CSRP1: variants seen among roughly 807,000 people sequenced by gnomAD.
The protein encoded by CSRP1 is cysteine and glycine rich protein 1.
Under a neutral mutation model 25.4 loss-of-function variants are expected in CSRP1, and 16 were observed. The ratio of observed to expected loss-of-function variants is 0.63; its 90% CI spans 0.43 to 0.96. The LOEUF is 0.96. Among genes scored for constraint, CSRP1 ranks in the 40% least tolerant of loss-of-function variants. The pLI, the probability that CSRP1 is intolerant of heterozygous loss-of-function variation, is 0.00. For synonymous variants in CSRP1, 97 were observed against 95.3 expected (o/e 1.02, Z -0.10); for missense variants, 212 against 243.6 (o/e 0.87, Z 0.86).
intron 1 of CSRP1, among the ~76,000 whole-genome samples, chr1:201,498,888 G>T (rs1213650595): frequency 6.6e-6 from 1 of 152,234 alleles, no homozygotes; most frequent in East Asian, 1.9e-4. Flanking sequence ...TGTTAGTGAT[G>T]CTGGGGGATC....
intron 4 of CSRP1, chr1:201,488,588 T>C (rs1333449058): frequency 6.9e-6 from 2 of 290,518 alleles, no homozygotes; most frequent in Non-Finnish European, 1.3e-5. Context: ...TGTTCTCCTA[T>C]ATTAGAGATA....
chr1:201,494,334 T>C (rs1460929545), intron 2 of CSRP1, among the ~76,000 whole-genome samples: 1 of 152,110 alleles, frequency 6.6e-6, no homozygotes, highest in Non-Finnish European at 1.5e-5. Flanking sequence ...GAGGGGCCCT[T>C]AGGACCCCAG....
intron 3 of CSRP1, 30 bp downstream of exon 3, chr1:201,490,146 A>C: frequency 6.3e-7 from 1 of 1,595,462 alleles, no homozygotes; most frequent in Non-Finnish European, 8.6e-7. Context: ...AGAGCTCAAG[A>C]AAAAGGTTGG....
chr1:201,502,735 A>G (rs1230021516), intron 1 of CSRP1, among the ~76,000 whole-genome samples: 1 of 152,130 alleles, frequency 6.6e-6, no homozygotes, highest in African/African-American at 2.4e-5. Flanking sequence ...TTTCAAATCC[A>G]TGTCCAGTGG....
At chr1:201,496,491 G>T in intron 1 of CSRP1, 187 bp from the exon 2 acceptor site, 3 of 610,480 alleles carry the variant, frequency 4.9e-6, no homozygotes, top group Non-Finnish European at 8.8e-6. Context: ...CGTTCTCGGG[G>T]ATTTCCTCCC....
At chr1:201,486,305 C>T (rs1664141274) in intron 4 of CSRP1, 1 of 975,572 alleles carries the variant, frequency 1.0e-6, no homozygotes, top group Non-Finnish European at 1.2e-6. Context: ...TTCCCATCAA[C>T]AGCTGGGCAG....
Position 201,493,534 on chromosome 1 carries a change from C to T in CSRP1, c.112+2658G>A, listed in dbSNP as rs548953387. Among the ~76,000 whole-genome samples, 420 of 152,362 alleles carry T rather than the reference C, an allele frequency of 2.8e-3. 4 individuals carry two copies. Among genetic ancestry groups the T allele is most frequent in the Middle Eastern group, 3.4e-3 (1 of 294 alleles). Reference sequence around the variant, plus strand: ...TTGCCTTCTGCCATGATTGTGAGGCCTCCCCAGCCATGTGGAACTGTGAGT... The same window carrying T: ...TTGCCTTCTGCCATGATTGTGAGGCTTCCCCAGCCATGTGGAACTGTGAGT... On this transcript the variant is annotated intron_variant, in intron 2 of 5. Coordinates refer to ENST00000340006, the MANE Select transcript of CSRP1 (RefSeq NM_004078.3).
intron 2 of CSRP1, among the ~76,000 whole-genome samples, chr1:201,493,276 T>C (rs1664400712): frequency 6.6e-6 from 1 of 152,190 alleles, no homozygotes; most frequent in African/African-American, 2.4e-5. Flanking sequence ...TCATCATGTC[T>C]TCCTCCCGCC....
chr1:201,501,534 C>T (rs1395545272), intron 1 of CSRP1, among the ~76,000 whole-genome samples: 2 of 152,224 alleles, frequency 1.3e-5, no homozygotes, highest in Admixed American at 1.3e-4. Flanking sequence ...TCTGCTGCTG[C>T]ATCTTCCTAG....
chr1:201,489,973 G>A (rs189436996), intron 3 of CSRP1: 4 of 530,740 alleles, frequency 7.5e-6, no homozygotes, highest in Middle Eastern at 5.0e-4. Context: ...GCAGGGAGGA[G>A]CCCAGCCTGT....
intron 3 of CSRP1, 97 bp downstream of exon 3, chr1:201,490,079 A>G: frequency 1.5e-6 from 2 of 1,306,772 alleles, no homozygotes; most frequent in Admixed American, 2.4e-5. Flanking sequence ...TGAGCCTTCC[A>G]TTGCTTACCC....
chr1:201,485,653 G>T, intron 4 of CSRP1: 1 of 449,448 alleles, frequency 2.2e-6, no homozygotes, highest in East Asian at 3.8e-5. Flanking sequence ...GAGGGGGTGG[G>T]TTTAACACCA....
At position 201,507,111 on chromosome 1, in the gene CSRP1, G is replaced by C. The variant is rs926157682; in HGVS notation, c.-43C>G. 6.6e-6 allele frequency: 1 copy of C among 152,262 alleles called. No homozygotes were observed. The highest frequency in any genetic ancestry group is 1.5e-5 in the Non-Finnish European group (1 of 68,094). The allele number at this position is 152,262 out of a possible 1,614,324, so 9.4% of individuals were successfully genotyped here. ...CGGCGCAGGGGCGGCAGGCGCTCTC[G>C]GAAGTGGCGGCTGGGTGCGCCCGGC... On this transcript the variant is annotated 5_prime_UTR_variant, in exon 1 of 6. Transcript: ENST00000340006.
At chr1:201,499,861 A>C (rs1020994002) in intron 1 of CSRP1, among the ~76,000 whole-genome samples, 1 of 152,260 alleles carries the variant, frequency 6.6e-6, no homozygotes, top group African/African-American at 2.4e-5. Context: ...ACCTCAAGTG[A>C]TCTGCCTGCC....
At chr1:201,504,342 T>G (rs1571791017) in intron 1 of CSRP1, among the ~76,000 whole-genome samples, 1 of 152,230 alleles carries the variant, frequency 6.6e-6, no homozygotes, top group African/African-American at 2.4e-5. Flanking sequence ...TCACACTGTC[T>G]GGTACACTGC....
chr1:201,492,642 C>T (rs890844135), intron 2 of CSRP1: 1 of 152,226 alleles, frequency 6.6e-6, no homozygotes, highest in Non-Finnish European at 1.5e-5. Context: ...AAGGCAGCCC[C>T]AGGGGAGAGG....
At chr1:201,493,428 A>T (rs1664405631) in intron 2 of CSRP1, among the ~76,000 whole-genome samples, 1 of 152,200 alleles carries the variant, frequency 6.6e-6, no homozygotes, top group Non-Finnish European at 1.5e-5. Flanking sequence ...GTCTTACAAG[A>T]TCTGATGGTT....
intron 5 of CSRP1, among the ~76,000 whole-genome samples, chr1:201,485,061 G>A (rs910673207): frequency 4.6e-5 from 7 of 152,014 alleles, no homozygotes; most frequent in African/African-American, 1.7e-4. Flanking sequence ...TAGGAAGCCA[G>A]GGTCTAGCCC....
intron 2 of CSRP1, chr1:201,490,672 C>T: frequency 4.7e-6 from 1 of 210,654 alleles, no homozygotes; most frequent in South Asian, 1.1e-4. Context: ...CCTAGGCTGA[C>T]CCCAAGCCAC....
Sources: allele counts gnomAD v4.1 joint callset (sites outside exome capture counted in the v4.1 genomes callset), GRCh38; gene constraint gnomAD v4.1.1; transcripts MANE v1.5; gene names NCBI Gene and HGNC (gene_info 2026-07-23, HGNC 2026-07-21).